Variants in PTPRB observed in about 807,000 individuals in gnomAD.
The protein encoded by PTPRB is receptor-type tyrosine-protein phosphatase beta.
PTPRB carries 97 observed loss-of-function variants against 238.1 expected under a neutral mutation model. That is an observed-to-expected ratio of 0.41 (90% confidence interval 0.35 to 0.48). The LOEUF (loss-of-function observed/expected upper bound fraction) is 0.48, where lower values mean the gene tolerates loss of function less well. Ranked by LOEUF, PTPRB falls within the 20% of genes least tolerant of loss-of-function variation. The pLI is 0.30. For missense variants in PTPRB, 2,292 were observed against 2,681.9 expected (o/e 0.85, Z 3.21); for synonymous variants, 970 against 995.4 (o/e 0.97, Z 0.48).
rs926219232 is a variant in PTPRB, at chr12:70,516,132, C to A, written c.*5357G>T. 2.6e-5 allele frequency: 4 copies of A among 152,068 alleles called. No individual in the cohort carries two copies. Among genetic ancestry groups the A allele is most frequent in the African/African-American group, 9.7e-5 (4 of 41,404 alleles). 9.4% of individuals were successfully genotyped at this position (152,068 alleles called of 1,614,324 possible). On this transcript the variant is annotated 3_prime_UTR_variant, in exon 34 of 34. Transcript: ENST00000334414. ...AAATGATATTAAAAACATAAAAGTG[C>A]TCTATTATAGAACATAAAAAGTTCA... is the stretch of plus-strand genomic sequence containing the variant.
At position 70,594,721 on chromosome 12, in the gene PTPRB, G is replaced by A; in HGVS notation, c.1262C>T (p.Pro421Leu). The part of the protein sequence containing the change: ...FSVYTNGSTV[P>L]SPVKDIGIST... Reference sequence around the variant, plus strand: ...AATACCAATATCTTTCACTGGAGATGGCACTAGTGGGATAAAATGCATGTC... The same window carrying A: ...AATACCAATATCTTTCACTGGAGATAGCACTAGTGGGATAAAATGCATGTC... The change falls in exon 6 of 34, where the codon CCA becomes CTA. Residue 421 changes from proline (P) to leucine (L), a missense_variant. Pro to Leu is a moderately conservative substitution (Grantham distance 98). Around this residue, in one of 4 missense-constraint regions of PTPRB, gnomAD observed 1,205 missense variants for 1,287.8 expected, o/e 0.94. Coordinates refer to ENST00000334414, the MANE Select transcript of PTPRB (RefSeq NM_001109754.4). 1 of 1,613,796 alleles carries A rather than the reference G, an allele frequency of 6.2e-7. No homozygotes were observed. The highest frequency in any genetic ancestry group is 8.5e-7 in the Non-Finnish European group (1 of 1,179,722).
At chr12:70,597,695 T>G (rs936117841) in intron 4 of PTPRB, among the ~76,000 whole-genome samples, 1 of 152,198 alleles carries the variant, frequency 6.6e-6, no homozygotes, top group African/African-American at 2.4e-5. Context: ...GACTATATTG[T>G]GTTCACAATA....
intron 3 of PTPRB, among the ~76,000 whole-genome samples, chr12:70,616,606 A>G (rs1884690526): frequency 6.6e-6 from 1 of 152,182 alleles, no homozygotes; most frequent in Admixed American, 6.5e-5. Flanking sequence ...AAAGCTTCCC[A>G]GGTGATTCCG....
chr12:70,601,302 C>T (rs1427948108), intron 4 of PTPRB, among the ~76,000 whole-genome samples: 1 of 152,050 alleles, frequency 6.6e-6, no homozygotes. Flanking sequence ...CGCCCCGCCT[C>T]TTCCTTATTT....
intron 32 of PTPRB, among the ~76,000 whole-genome samples, chr12:70,528,296 C>T (rs1479726468): frequency 1.3e-5 from 2 of 152,134 alleles, no homozygotes; most frequent in Non-Finnish European, 2.9e-5. Context: ...TATAAAGAAG[C>T]TTGTACCCAG....
At position 70,560,255 on chromosome 12, in the gene PTPRB, G is replaced by C. The variant is rs1878311661; in HGVS notation, c.4432+416C>G. ...AGATATTAATTCCATCAGATTTTGG[G>C]GTACAGGGCTGACGTCCACAGACAA... On this transcript the variant is annotated intron_variant, in intron 17 of 33. Transcript: ENST00000334414. The surrounding 1 kb of genome is among the most constrained non-coding windows in gnomAD (Gnocchi z 4.2). Among the ~76,000 whole-genome samples the C allele has an allele frequency of 6.6e-6, 1 of 152,112 alleles. No individual in the cohort carries two copies. The highest frequency in any genetic ancestry group is 1.5e-5 in the Non-Finnish European group (1 of 68,028).
At chr12:70,564,843 AAATAATAAT>A (rs138995596) in intron 15 of PTPRB, among the ~76,000 whole-genome samples, 18,958 of 96,114 alleles carry the variant, frequency 0.2, 1,607 homozygotes, top group African/African-American at 0.35. Context: ...CAAAAATAAT[AAATAATAAT>A]AATAATAATA....
intron 15 of PTPRB, among the ~76,000 whole-genome samples, chr12:70,565,899 A>G (rs1879231947): frequency 6.6e-6 from 1 of 152,194 alleles, no homozygotes; most frequent in African/African-American, 2.4e-5. Flanking sequence ...GGTAATCACA[A>G]GAGTCCTTAA....
intron 8 of PTPRB, among the ~76,000 whole-genome samples, chr12:70,587,700 T>C (rs1882057921): frequency 6.6e-6 from 1 of 152,162 alleles, no homozygotes; most frequent in Non-Finnish European, 1.5e-5. Flanking sequence ...CACTGATGTG[T>C]TCATGGAAGG....
chr12:70,635,853 G>A lies in PTPRB; in HGVS notation c.269C>T (p.Ala90Val). 1.9e-6 allele frequency: 3 copies of A among 1,613,708 alleles called. No homozygotes were observed. The highest frequency in any genetic ancestry group is 1.1e-5 in the South Asian group (1 of 91,034). The change falls in exon 2 of 34, where the codon GCA becomes GTA. Residue 90 changes from alanine to valine, a missense_variant. Physicochemically the swap from Ala to Val is moderately conservative, Grantham distance 64 (BLOSUM62 0). Around this residue, in one of 4 missense-constraint regions of PTPRB, gnomAD observed 1,205 missense variants for 1,287.8 expected, o/e 0.94. Transcript: ENST00000334414. ...CTGATCATAGCAGGTCCATCGGGGT[G>A]CCTGGGAACAGCGGTCCAAGATGGC... ...RSAILDRCSQAPRWTCYDQEG... is the reference protein window; with the variant it reads ...RSAILDRCSQVPRWTCYDQEG...
At chr12:70,553,776 G>T (rs1017195190) in intron 20 of PTPRB, among the ~76,000 whole-genome samples, 5 of 152,308 alleles carry the variant, frequency 3.3e-5, no homozygotes, top group African/African-American at 1.2e-4. Flanking sequence ...AATAAAATTT[G>T]CTCATAAGTG....
intron 32 of PTPRB, among the ~76,000 whole-genome samples, chr12:70,528,966 TG>T (rs1262232553): frequency 1.3e-5 from 2 of 151,992 alleles, no homozygotes; most frequent in East Asian, 1.9e-4. Flanking sequence ...ATAAGGCTTT[TG>T]GGGGGATCCA....
rs1291412974 is a variant in PTPRB, at chr12:70,537,930, C to A, written c.5946+225G>T. The stretch of plus-strand genomic sequence containing the variant: ...AGAGAGTAGATGATCTATGAAAATG[C>A]ATCTTGGGCTCATAATTTCATTTGA... On this transcript the variant is annotated intron_variant, in intron 28 of 33. Coordinates refer to ENST00000334414, the MANE Select transcript of PTPRB (RefSeq NM_001109754.4). The A allele has an allele frequency of 1.6e-5, 7 of 451,024 alleles. No homozygotes were observed. In the South Asian group the frequency reaches 3.0e-4, roughly 19 times the overall value. 27.9% of individuals were successfully genotyped at this position (451,024 alleles called of 1,614,324 possible).
rs180962767 is a variant in PTPRB at position 70,559,498 on chromosome 12, G to T, written c.4559C>A (p.Ala1520Glu). 1 of 1,613,852 alleles carries T rather than the reference G, an allele frequency of 6.2e-7. No homozygotes were observed. ...DFELQWLPRD[A>E]LTVFNPYNNR... Reference sequence around the variant, plus strand: ...GTTGTAGGGGTTGAAGACAGTAAGTGCATCTCTGGGCAACCACTGCAGCTC... The same window carrying T: ...GTTGTAGGGGTTGAAGACAGTAAGTTCATCTCTGGGCAACCACTGCAGCTC... Residue 1520 changes from alanine to glutamate, a missense_variant, in exon 18 of 34, where the codon GCA becomes GAA. Transcript: ENST00000334414.
intron 27 of PTPRB, 103 bp downstream of exon 27, chr12:70,538,821 A>G (rs1453213242): frequency 2.0e-5 from 18 of 897,198 alleles, no homozygotes; most frequent in Middle Eastern, 2.1e-4. Flanking sequence ...GAGATTGTCC[A>G]TATCGAGCTA....
rs141583441 is a variant in PTPRB, at chr12:70,562,600, T to C, written c.4168+244A>G. ...TGGCAAGAGGAGGAACCGCATTCAT[T>C]TTTTACCAAGCCCTAGGAAGTAAAT... On this transcript the variant is annotated intron_variant, in intron 16 of 33. Coordinates refer to ENST00000334414, the MANE Select transcript of PTPRB (RefSeq NM_001109754.4). 3.8e-3 allele frequency among the ~76,000 whole-genome samples: 582 copies of C among 152,278 alleles called. 2 individuals carry two copies. Among genetic ancestry groups the C allele is most frequent in the Non-Finnish European group, 6.0e-3 (408 of 68,028 alleles).
intron 31 of PTPRB, among the ~76,000 whole-genome samples, chr12:70,534,253 G>T (rs1457886512): frequency 5.3e-5 from 8 of 152,158 alleles, no homozygotes; most frequent in Admixed American, 5.2e-4. Flanking sequence ...GAGAAGGCTG[G>T]AGAGTGAGGA....
At chr12:70,525,867 T>C (rs921639041) in intron 32 of PTPRB, among the ~76,000 whole-genome samples, 7 of 152,230 alleles carry the variant, frequency 4.6e-5, no homozygotes, top group African/African-American at 1.7e-4. Flanking sequence ...TCCCCACTTA[T>C]TAAACAAGGA....
At chr12:70,594,780 T>C (rs1882841886) in intron 5 of PTPRB, 56 bp from the exon 6 acceptor site, 9 of 1,573,060 alleles carry the variant, frequency 5.7e-6, no homozygotes, top group Admixed American at 1.7e-5. Flanking sequence ...ATAGGAGACA[T>C]AGACACATTT....
Sources: gnomAD v4.1 joint callset for allele counts (sites outside exome capture counted in the v4.1 genomes callset) on GRCh38, gnomAD v4.1.1 for gene constraint, gnomAD v4.1.1 regional missense constraint, Gnocchi (gnomAD v3.1) non-coding constraint, MANE v1.5 for transcripts, NCBI Gene and HGNC (gene_info 2026-07-23, HGNC 2026-07-21) for gene names.